ZDHHC13: variants seen among roughly 807,000 people sequenced by gnomAD.
ZDHHC13 encodes the protein palmitoyltransferase ZDHHC13.
ZDHHC13 carries 85 observed loss-of-function variants against 86.0 expected under a neutral mutation model. The ratio of observed to expected loss-of-function variants is 0.99; its 90% CI spans 0.83 to 1.18. ZDHHC13 has a LOEUF of 1.18. Ranked by LOEUF, ZDHHC13 falls within the 50% of genes most tolerant of loss-of-function variation. The probability of loss-of-function intolerance (pLI) is 0.00; values close to 1 mark genes in which losing one functional copy is unlikely to be tolerated. For synonymous variants in ZDHHC13, 263 were observed against 246.4 expected (o/e 1.07, Z -0.63); for missense variants, 711 against 730.2 (o/e 0.97, Z 0.30).
rs202012922 is a variant in ZDHHC13 at position 19,152,202 on chromosome 11, A to G, written c.629A>G (p.Asn210Ser). The change falls in exon 7 of 17, where the codon AAT becomes AGT. Residue 210 changes from asparagine (N) to serine (S), a missense_variant. Transcript: ENST00000446113. The part of the protein sequence containing the change: ...GFLLKFNPSL[N>S]VVDKIHQNTP... ...CTTTTAAAGTTTAATCCTTCTCTCA[A>G]TGTGGTTGATAAAATACACCAAAAC... 45 of 1,613,328 alleles carry G rather than the reference A, an allele frequency of 2.8e-5. 1 individual carries two copies. Among genetic ancestry groups the G allele is most frequent in the Middle Eastern group, 3.3e-4 (2 of 6,058 alleles).
chr11:19,174,656 C>T lies in ZDHHC13; in HGVS notation c.1731-1166C>T, dbSNP rs118135894. Among the ~76,000 whole-genome samples the T allele has an allele frequency of 5.8e-3, 883 of 152,274 alleles. 19 individuals are homozygous for T. The highest frequency in any genetic ancestry group is 0.021 in the East Asian group (107 of 5,184). On this transcript the variant is annotated intron_variant, in intron 16 of 16. Coordinates refer to ENST00000446113, the MANE Select transcript of ZDHHC13 (RefSeq NM_019028.3). The stretch of plus-strand genomic sequence containing the variant: ...TAACTGGAATAGATAGTGGTACTTC[C>T]GAAATTTAATGGAGAAAAAATGATG...
At chr11:19,168,964 A>G in intron 14 of ZDHHC13, 1 of 985,366 alleles carries the variant, frequency 1.0e-6, no homozygotes, top group Non-Finnish European at 1.2e-6. Context: ...TTGACCTGGA[A>G]TGATGTGAGT....
chr11:19,172,606 G>T lies in ZDHHC13; in HGVS notation c.1633-117G>T. 4 of 662,918 alleles carry T rather than the reference G, an allele frequency of 6.0e-6. No individual in the cohort carries two copies. In the South Asian group the frequency reaches 9.5e-5, roughly 16 times the overall value. 41.1% of individuals were successfully genotyped at this position (662,918 alleles called of 1,614,324 possible). The stretch of plus-strand genomic sequence containing the variant: ...AACTTTTTCTTTGTCCCTTTTCAAG[G>T]AGATACTAAGGAGAACACACAAATT... On this transcript the variant is annotated intron_variant, in intron 15 of 16. Transcript: ENST00000446113.
At chr11:19,148,364 G>T (rs1849524271) in intron 4 of ZDHHC13, among the ~76,000 whole-genome samples, 1 of 151,704 alleles carries the variant, frequency 6.6e-6, no homozygotes, top group Non-Finnish European at 1.5e-5. Context: ...AAACTCTAGG[G>T]TTACTTCATG....
chr11:19,126,626 AG>A (rs538320958), intron 1 of ZDHHC13, among the ~76,000 whole-genome samples: 266 of 150,796 alleles, frequency 1.8e-3, no homozygotes, highest in African/African-American at 6.3e-3. Flanking sequence ...CTGAGATTAC[AG>A]GCATGAGCCA....
chr11:19,164,525 T>C (rs1286208057), intron 12 of ZDHHC13, 162 bp downstream of exon 12: 12 of 653,238 alleles, frequency 1.8e-5, no homozygotes, highest in Admixed American at 5.7e-5. Flanking sequence ...CTTGAACATA[T>C]GGCAGAATGA....
chr11:19,172,776 C>A lies in ZDHHC13; in HGVS notation c.1686C>A (p.Ser562Arg). The stretch of plus-strand genomic sequence containing the variant: ...AGAGAATCAGCCTGCAGAAGCAGAG[C>A]AAGCATATGAAACAGACGTTGTCCC... Reference protein sequence around the residue: ...SHERISLQKQSKHMKQTLSLR... With the variant: ...SHERISLQKQRKHMKQTLSLR... The change falls in exon 16 of 17, where the codon AGC (serine) becomes AGA (arginine). Residue 562 changes from serine (S) to arginine (R), a missense_variant. Transcript: ENST00000446113. 1 of 1,606,836 alleles carries A rather than the reference C, an allele frequency of 6.2e-7. No homozygotes were observed. The highest frequency in any genetic ancestry group is 1.7e-5 in the Admixed American group (1 of 59,152).
chr11:19,159,286 T>TA (rs1408126770), intron 10 of ZDHHC13, among the ~76,000 whole-genome samples: 9 of 152,158 alleles, frequency 5.9e-5, no homozygotes, highest in African/African-American at 2.2e-4. Context: ...CAGTAGAATG[T>TA]ATTATTGTTT....
chr11:19,134,763 A>G (rs923798775), intron 1 of ZDHHC13, among the ~76,000 whole-genome samples: 1 of 152,178 alleles, frequency 6.6e-6, no homozygotes, highest in Non-Finnish European at 1.5e-5. Flanking sequence ...TGTAGATGAC[A>G]GGTTGATGGG....
intron 14 of ZDHHC13, 22 bp downstream of exon 14, chr11:19,166,407 A>C (rs775028386): frequency 1.3e-6 from 2 of 1,578,792 alleles, no homozygotes; most frequent in East Asian, 2.2e-5. Flanking sequence ...TTTTTCTTAC[A>C]ACAAGCACAT....
Position 19,152,264 on chromosome 11 carries a change from A to G in ZDHHC13, c.691A>G (p.Asn231Asp). 6.2e-7 allele frequency: 1 copy of G among 1,613,404 alleles called. No homozygotes were observed. Among genetic ancestry groups the G allele is most frequent in the Non-Finnish European group, 8.5e-7 (1 of 1,179,518 alleles). ...LHWAVAAGNV[N>D]AVDKLLEAGS... is the part of the protein sequence containing the mutation. ...CTGGGCAGTTGCAGCAGGAAATGTTAATGCAGTTGATAAGCTTTTGGAAGC... is the reference window on the plus strand; with the variant it reads ...CTGGGCAGTTGCAGCAGGAAATGTTGATGCAGTTGATAAGCTTTTGGAAGC... The change falls in exon 7 of 17, where the codon AAT (asparagine) becomes GAT (aspartate). Residue 231 changes from asparagine (N) to aspartate (D), a missense_variant. Coordinates refer to ENST00000446113, the MANE Select transcript of ZDHHC13 (RefSeq NM_019028.3).
rs572250802 is a variant in ZDHHC13, at chr11:19,142,099, C to A, written c.28-879C>A. Among the ~76,000 whole-genome samples the A allele has an allele frequency of 9.2e-5, 14 of 152,262 alleles. No homozygotes were observed. The South Asian group carries it at 2.9e-3, about 32-fold the overall frequency. On this transcript the variant is annotated intron_variant, in intron 1 of 16. Transcript: ENST00000446113. Reference sequence around the variant, plus strand: ...GAGTCTAGGCATGGCTTAGCTGGATCCTCTGCTAAGGGTCTCTCACAGTTG... The same window carrying A: ...GAGTCTAGGCATGGCTTAGCTGGATACTCTGCTAAGGGTCTCTCACAGTTG...
chr11:19,175,334 G>A (rs12808107), intron 16 of ZDHHC13, among the ~76,000 whole-genome samples: 58,258 of 142,008 alleles, frequency 0.41, 14,141 homozygotes, highest in South Asian at 0.54. Flanking sequence ...AGCTTGCAGT[G>A]AGCCGAGATC....
intron 14 of ZDHHC13, 29 bp from the exon 15 acceptor site, chr11:19,170,375 CTTTTTTT>C (rs55637113): frequency 1.0e-4 from 127 of 1,234,782 alleles, no homozygotes; most frequent in Admixed American, 4.2e-4. Context: ...AGTTTATTGC[CTTTTTTT>C]TTTTTTTTTT....
intron 1 of ZDHHC13, among the ~76,000 whole-genome samples, chr11:19,119,626 TC>T (rs138281554): frequency 0.038 from 5,743 of 152,288 alleles, 220 homozygotes; most frequent in East Asian, 0.21. Flanking sequence ...CCAGCAACAC[TC>T]CCTGGCCTCC....
At chr11:19,173,788 G>C (rs1565045754) in intron 16 of ZDHHC13, among the ~76,000 whole-genome samples, 2 of 152,180 alleles carry the variant, frequency 1.3e-5, no homozygotes, top group Non-Finnish European at 2.9e-5. Flanking sequence ...GGAAGCCTGT[G>C]ATAGAGTTGG....
intron 4 of ZDHHC13, 58 bp downstream of exon 4, chr11:19,147,731 TA>T (rs988500603): frequency 1.4e-5 from 18 of 1,244,370 alleles, no homozygotes; most frequent in Non-Finnish European, 1.9e-5. Flanking sequence ...GGTCACCATA[TA>T]AAAAATCAGT....
chr11:19,163,495 A>G (rs1428687612), intron 11 of ZDHHC13, 68 bp downstream of exon 11: 5 of 1,439,406 alleles, frequency 3.5e-6, no homozygotes, highest in East Asian at 5.0e-5. Context: ...TTATATGCAC[A>G]TATGCAGATG....
intron 16 of ZDHHC13, among the ~76,000 whole-genome samples, chr11:19,173,799 A>C (rs1485977460): frequency 1.3e-5 from 2 of 152,180 alleles, no homozygotes; most frequent in Non-Finnish European, 1.5e-5. Context: ...ATAGAGTTGG[A>C]ATTTGAAGCT....
Sources: gnomAD v4.1 joint callset for allele counts (sites outside exome capture counted in the v4.1 genomes callset) on GRCh38, gnomAD v4.1.1 for gene constraint, MANE v1.5 for transcripts, NCBI Gene and HGNC (gene_info 2026-07-23, HGNC 2026-07-21) for gene names.